Variants in GPBP1 observed in about 807,000 individuals in gnomAD.
GPBP1 encodes vasculin.
In GPBP1, 13 loss-of-function variants were observed where a neutral mutation model predicts 56.5. The observed-to-expected ratio is 0.23, with a 90% confidence interval of 0.15 to 0.37. The LOEUF (loss-of-function observed/expected upper bound fraction) is 0.37. Among genes scored for constraint, GPBP1 ranks in the 10% least tolerant of loss-of-function variants. The pLI is 1.00. For missense variants in GPBP1, 477 were observed against 572.3 expected (o/e 0.83, Z 1.70); for synonymous variants, 204 against 188.9 (o/e 1.08, Z -0.66).
At chr5:57,181,109 G>A (rs1754024272) in intron 2 of GPBP1, among the ~76,000 whole-genome samples, 1 of 152,214 alleles carries the variant, frequency 6.6e-6, no homozygotes, top group African/African-American at 2.4e-5. Context: ...CAAGGCAGGA[G>A]GAACACTTGA....
chr5:57,232,111 A>T (rs990397255), intron 5 of GPBP1, among the ~76,000 whole-genome samples: 7 of 152,062 alleles, frequency 4.6e-5, no homozygotes, highest in Non-Finnish European at 1.0e-4. Flanking sequence ...TTCTGGGCTC[A>T]GGCAGTCCTC....
At chr5:57,213,814 T>C (rs1245377504) in intron 2 of GPBP1, among the ~76,000 whole-genome samples, 2 of 152,218 alleles carry the variant, frequency 1.3e-5, no homozygotes, top group Non-Finnish European at 2.9e-5. Flanking sequence ...AAGTTTATAA[T>C]TTGAGGTTTG....
chr5:57,215,379 C>G (rs1457912289), intron 3 of GPBP1, among the ~76,000 whole-genome samples: 2 of 152,220 alleles, frequency 1.3e-5, no homozygotes, highest in African/African-American at 4.8e-5. Context: ...TTTTCTGTGT[C>G]TTTCCCCATC....
chr5:57,200,618 C>G (rs1249548567), intron 2 of GPBP1, among the ~76,000 whole-genome samples: 2 of 151,906 alleles, frequency 1.3e-5, no homozygotes, highest in Non-Finnish European at 2.9e-5. Flanking sequence ...TCTCCCGCCT[C>G]GGCCTCCCAA....
chr5:57,222,611 T>C (rs1336056052), intron 3 of GPBP1, among the ~76,000 whole-genome samples: 3 of 152,200 alleles, frequency 2.0e-5, no homozygotes, highest in Non-Finnish European at 2.9e-5. Context: ...GTGTAAACTT[T>C]TGTTGAGTGG....
intron 2 of GPBP1, among the ~76,000 whole-genome samples, chr5:57,186,434 T>A (rs1478953388): frequency 6.6e-6 from 1 of 152,078 alleles, no homozygotes; most frequent in Non-Finnish European, 1.5e-5. Context: ...TGTGCTTTTG[T>A]GTCCTAAGAA....
chr5:57,195,837 T>C (rs1168258710), intron 2 of GPBP1, among the ~76,000 whole-genome samples: 1 of 151,848 alleles, frequency 6.6e-6, no homozygotes, highest in Non-Finnish European at 1.5e-5. Flanking sequence ...ACCCCGTCTC[T>C]ACTAAAAATA....
chr5:57,246,701 A>T (rs1741107058), intron 7 of GPBP1, among the ~76,000 whole-genome samples: 1 of 151,724 alleles, frequency 6.6e-6, no homozygotes, highest in Non-Finnish European at 1.5e-5. Flanking sequence ...AGTGAAACTT[A>T]AAAATTTTTT....
chr5:57,200,357 T>C (rs908198573), intron 2 of GPBP1, among the ~76,000 whole-genome samples: 1 of 144,592 alleles, frequency 6.9e-6, no homozygotes, highest in Non-Finnish European at 1.5e-5. Flanking sequence ...TAAATAAGTT[T>C]GAATTTTTTT....
chr5:57,264,385 T>C lies in GPBP1; in HGVS notation c.*1633T>C, dbSNP rs2111988535. Reference sequence around the variant, plus strand: ...ATTGAATGTCTTTGAGACTCTTAGATTGTACTATTTGCTTAATAGATTAAT... The same window carrying C: ...ATTGAATGTCTTTGAGACTCTTAGACTGTACTATTTGCTTAATAGATTAAT... On this transcript the variant is annotated 3_prime_UTR_variant, in exon 12 of 12. Coordinates refer to ENST00000506184, the MANE Select transcript of GPBP1 (RefSeq NM_022913.4). 6.6e-6 allele frequency: 1 copy of C among 152,294 alleles called. No individual in the cohort carries two copies. The highest frequency in any genetic ancestry group is 1.9e-4 in the East Asian group (1 of 5,186). The allele number at this position is 152,294 out of a possible 1,614,324, so 9.4% of individuals were successfully genotyped here. A position where few individuals can be genotyped will look rare whatever the true frequency, so the allele number is the denominator to read the frequency against.
rs1753758367 is a variant in GPBP1 at position 57,175,494 on chromosome 5, A to T, written c.-964A>T. On this transcript the variant is annotated 5_prime_UTR_variant, in exon 2 of 12. Transcript: ENST00000506184. Reference sequence around the variant, plus strand: ...GAAGATCATCATCTAGGTTTTGTGTAAAAGGCCCTGGATATTTTAAGTGGC... The same window carrying T: ...GAAGATCATCATCTAGGTTTTGTGTTAAAGGCCCTGGATATTTTAAGTGGC... The T allele has an allele frequency of 5.0e-6, 2 of 398,568 alleles. No individual in the cohort carries two copies. Among genetic ancestry groups the T allele is most frequent in the Non-Finnish European group, 8.8e-6 (2 of 226,044 alleles). 24.7% of individuals were successfully genotyped at this position (398,568 alleles called of 1,614,324 possible).
At chr5:57,218,786 G>A (rs1036520416) in intron 3 of GPBP1, among the ~76,000 whole-genome samples, 4 of 152,086 alleles carry the variant, frequency 2.6e-5, no homozygotes, top group Non-Finnish European at 4.4e-5. Flanking sequence ...TTATAATTTG[G>A]CATTTTGTTC....
In GPBP1 at chr5:57,177,918, G is replaced by A. The variant is rs1220083446; in HGVS notation, c.-58+1518G>A. On this transcript the variant is annotated intron_variant, in intron 2 of 11. Coordinates refer to ENST00000506184, the MANE Select transcript of GPBP1 (RefSeq NM_022913.4). ...GTTGAATCCTGCTAGCTCCCATAGAGTGAAAGTGGTAGTAAATGTAAAATA... is the reference window on the plus strand; with the variant it reads ...GTTGAATCCTGCTAGCTCCCATAGAATGAAAGTGGTAGTAAATGTAAAATA... Among the ~76,000 whole-genome samples, 5 of 151,950 alleles carry A rather than the reference G, an allele frequency of 3.3e-5. 1 individual carries two copies. Among genetic ancestry groups the A allele is most frequent in the South Asian group, 4.1e-4 (2 of 4,830 alleles).
intron 3 of GPBP1, among the ~76,000 whole-genome samples, chr5:57,228,499 G>A (rs917408971): frequency 5.9e-5 from 9 of 152,168 alleles, no homozygotes; most frequent in Middle Eastern, 3.4e-3. Context: ...TCAAAGCTGG[G>A]TGCAGTGGTG....
At chr5:57,240,908 C>T (rs534890133) in intron 6 of GPBP1, among the ~76,000 whole-genome samples, 25 of 151,254 alleles carry the variant, frequency 1.7e-4, no homozygotes, top group African/African-American at 5.1e-4. Context: ...GCTGAAATCG[C>T]GCCATTGCAC....
intron 6 of GPBP1, among the ~76,000 whole-genome samples, chr5:57,239,152 C>T (rs1359736389): frequency 6.6e-6 from 1 of 152,108 alleles, no homozygotes; most frequent in Non-Finnish European, 1.5e-5. Context: ...TATATGAAAA[C>T]AGTTGTTGAA....
chr5:57,188,352 CAA>C (rs986992970), intron 2 of GPBP1, among the ~76,000 whole-genome samples: 2 of 152,102 alleles, frequency 1.3e-5, no homozygotes, highest in African/African-American at 4.8e-5. Context: ...CAAATGATCT[CAA>C]GTTTAAATTT....
At chr5:57,252,710 T>C (rs2111951236) in intron 10 of GPBP1, among the ~76,000 whole-genome samples, 1 of 151,198 alleles carries the variant, frequency 6.6e-6, no homozygotes, top group Admixed American at 6.6e-5. Flanking sequence ...TAGTTTTTAT[T>C]GTAAATTTTT....
rs1742023186 is a variant in GPBP1, at chr5:57,264,238, TTAAAA to T, written c.*1490_*1494del. The T allele has an allele frequency of 1.3e-5, 2 of 152,258 alleles. No individual in the cohort carries two copies. Among genetic ancestry groups the T allele is most frequent in the South Asian group, 2.1e-4 (1 of 4,826 alleles). 9.4% of individuals were successfully genotyped at this position (152,258 alleles called of 1,614,324 possible). ...ATAAAATATTAAATAGACCTTATAC[TTAAAA>T]TAAGGTTTCACTATATAATTTGTCA... On this transcript the variant is annotated 3_prime_UTR_variant, in exon 12 of 12. Transcript: ENST00000506184.
Sources: gnomAD v4.1 joint callset for allele counts (sites outside exome capture counted in the v4.1 genomes callset) on GRCh38, gnomAD v4.1.1 for gene constraint, MANE v1.5 for transcripts, NCBI Gene and HGNC (gene_info 2026-07-23, HGNC 2026-07-21) for gene names.